ZNF251: variants seen among roughly 807,000 people sequenced by gnomAD.
The protein encoded by ZNF251 is zinc finger protein 251.
A neutral mutation model predicts 13.5 loss-of-function variants in ZNF251; 14 were observed. That is an observed-to-expected ratio of 1.04 (90% confidence interval 0.69 to 1.63). The LOEUF (loss-of-function observed/expected upper bound fraction) is 1.63. ZNF251 is among the 40% of genes most tolerant of loss of function. ZNF251 has a pLI of 0.00. For missense variants in ZNF251, 764 were observed against 834.9 expected (o/e 0.92, Z 1.05); for synonymous variants, 287 against 295.2 (o/e 0.97, Z 0.28).
At chr8:144,755,085 T>C in intron 1 of ZNF251, 2 of 1,274,336 alleles carry the variant, frequency 1.6e-6, no homozygotes, top group Non-Finnish European at 1.0e-6. Flanking sequence ...AGGGCCGTTC[T>C]ACCTGCCTGG....
intron 4 of ZNF251, among the ~76,000 whole-genome samples, chr8:144,737,712 G>A (rs991620223): frequency 2.1e-5 from 3 of 145,330 alleles, no homozygotes; most frequent in Non-Finnish European, 3.0e-5. Flanking sequence ...GGCGCCTGTA[G>A]TCCCAGCTAC....
chr8:144,751,420 C>T (rs1824688271), intron 4 of ZNF251, among the ~76,000 whole-genome samples: 1 of 152,036 alleles, frequency 6.6e-6, no homozygotes, highest in Non-Finnish European at 1.5e-5. Context: ...TTACACATAA[C>T]AACTATAACA....
At chr8:144,731,960 TAAGACAGAGTC>T (rs1823710028) in intron 4 of ZNF251, among the ~76,000 whole-genome samples, 1 of 151,592 alleles carries the variant, frequency 6.6e-6, no homozygotes, top group African/African-American at 2.4e-5. Flanking sequence ...TTTTTTTTTT[TAAGACAGAGTC>T]TTTCTCCGTC....
Position 144,734,639 on chromosome 8 carries a change from C to T in ZNF251, c.278-11257G>A, listed in dbSNP as rs756987746. On this transcript the variant is annotated intron_variant, in intron 4 of 4. Coordinates refer to ENST00000292562, the MANE Select transcript of ZNF251 (RefSeq NM_138367.2). This position sits in a 1 kb window ranked among gnomAD's most constrained non-coding sequence, Gnocchi z 4.4. ...CACTGGGACACCCTGAAGAGGGAGG[C>T]GCTGCCTGAAAGGTAGGGACACACA... Among the ~76,000 whole-genome samples the T allele has an allele frequency of 2.6e-5, 4 of 152,158 alleles. No homozygotes were observed. Among genetic ancestry groups the T allele is most frequent in the African/African-American group, 7.2e-5 (3 of 41,424 alleles).
At chr8:144,737,537 C>A (rs1823950227) in intron 4 of ZNF251, among the ~76,000 whole-genome samples, 2 of 150,540 alleles carry the variant, frequency 1.3e-5, no homozygotes, top group Admixed American at 1.3e-4. Flanking sequence ...AAACAAAAAA[C>A]CAGCTACGAG....
At chr8:144,740,162 G>A (rs979167893) in intron 4 of ZNF251, among the ~76,000 whole-genome samples, 1 of 151,778 alleles carries the variant, frequency 6.6e-6, no homozygotes, top group Non-Finnish European at 1.5e-5. Context: ...GTGCATGCCT[G>A]TAATCCCATC....
intron 4 of ZNF251, among the ~76,000 whole-genome samples, chr8:144,737,346 C>T (rs1055713998): frequency 6.6e-6 from 1 of 152,100 alleles, no homozygotes; most frequent in South Asian, 2.1e-4. Context: ...GATCTGCCCG[C>T]TTTGGCCTTT....
At chr8:144,753,845 C>T (rs2130116660) in intron 3 of ZNF251, 49 bp from the exon 4 acceptor site, 1 of 1,422,058 alleles carries the variant, frequency 7.0e-7, no homozygotes, top group South Asian at 1.3e-5. Flanking sequence ...ACTGGGCCTT[C>T]CAGGCCAGGT....
intron 4 of ZNF251, chr8:144,753,455 A>G: frequency 2.3e-6 from 1 of 438,222 alleles, no homozygotes; most frequent in Non-Finnish European, 4.0e-6. Context: ...AAACAAAAAT[A>G]TGATCAGAAG....
intron 4 of ZNF251, among the ~76,000 whole-genome samples, chr8:144,747,976 C>G (rs962085984): frequency 1.3e-5 from 2 of 152,214 alleles, no homozygotes; most frequent in Non-Finnish European, 2.9e-5. Context: ...GTGACGTGAT[C>G]ATAGCTCACC....
intron 4 of ZNF251, among the ~76,000 whole-genome samples, chr8:144,737,644 A>G (rs947370146): frequency 2.0e-5 from 3 of 151,950 alleles, no homozygotes; most frequent in Non-Finnish European, 4.4e-5. Flanking sequence ...CATCCTGGCT[A>G]ACACGGTGAA....
At chr8:144,739,207 C>A (rs1011020398) in intron 4 of ZNF251, among the ~76,000 whole-genome samples, 1 of 151,300 alleles carries the variant, frequency 6.6e-6, no homozygotes, top group African/African-American at 2.4e-5. Context: ...TCCACTCCCC[C>A]AAACTAGGAT....
chr8:144,729,740 G>A (rs112434517), intron 4 of ZNF251, among the ~76,000 whole-genome samples: 5,320 of 152,122 alleles, frequency 0.035, 280 homozygotes, highest in African/African-American at 0.12. Context: ...TCGCGCCTGT[G>A]ATCCCCGCAC....
chr8:144,739,041 G>T (rs1824033603), intron 4 of ZNF251, among the ~76,000 whole-genome samples: 1 of 151,856 alleles, frequency 6.6e-6, no homozygotes, highest in Admixed American at 6.6e-5. Flanking sequence ...TCATCCACCT[G>T]GACAGCCCCC....
Position 144,722,988 on chromosome 8 carries a change from T to C in ZNF251, c.672A>G (p.Leu224=), listed in dbSNP as rs749086014. ...CSKTFKYNSD[L]SRHQRSHTGE... ...CAGTGTGACTTCTCTGGTGTCTACTTAGGTCTGAATTATATTTGAAGGTTT... is the reference window on the plus strand; with the variant it reads ...CAGTGTGACTTCTCTGGTGTCTACTCAGGTCTGAATTATATTTGAAGGTTT... Residue 224 remains leucine (L), a synonymous_variant, in exon 5 of 5, where the codon CTA becomes CTG. Transcript: ENST00000292562. This position sits in a 1 kb window ranked among gnomAD's most constrained non-coding sequence, Gnocchi z 4.8. 9.9e-6 allele frequency: 16 copies of C among 1,613,820 alleles called. No homozygotes were observed. The highest frequency in any genetic ancestry group is 2.2e-5 in the East Asian group (1 of 44,902).
In ZNF251 at chr8:144,723,003, T is replaced by C; in HGVS notation, c.657A>G (p.Lys219=). Residue 219 remains lysine (K), a synonymous_variant, in exon 5 of 5, where the codon AAA becomes AAG. Transcript: ENST00000292562. ...GGTGTCTACTTAGGTCTGAATTATA[T>C]TTGAAGGTTTTGCTGCATATATCAC... ...FKCDICSKTF[K]YNSDLSRHQR... is the part of the protein sequence containing the mutation. 5.0e-6 allele frequency: 8 copies of C among 1,613,982 alleles called. No individual in the cohort carries two copies. The highest frequency in any genetic ancestry group is 1.6e-4 in the Middle Eastern group (1 of 6,062).
At chr8:144,754,866 G>A (rs766670844) in intron 1 of ZNF251, 63 bp from the exon 2 acceptor site, 195 of 1,472,990 alleles carry the variant, frequency 1.3e-4, no homozygotes, top group Non-Finnish European at 1.6e-4. Flanking sequence ...ATGGCCAGGA[G>A]GCAGAAGCTG....
At chr8:144,746,631 T>C (rs908735459) in intron 4 of ZNF251, among the ~76,000 whole-genome samples, 3 of 152,234 alleles carry the variant, frequency 2.0e-5, no homozygotes, top group Non-Finnish European at 2.9e-5. Flanking sequence ...GGATTCTATT[T>C]TGGAAGGTAA....
At position 144,721,471 on chromosome 8, in the gene ZNF251, C is replaced by T. The variant is rs536556192; in HGVS notation, c.*173G>A. The T allele has an allele frequency of 9.2e-6, 6 of 653,314 alleles. No homozygotes were observed. In the East Asian group the frequency reaches 1.7e-4, roughly 19 times the overall value. The allele number at this position is 653,314 out of a possible 1,614,324, so 40.5% of individuals were successfully genotyped here. The stretch of plus-strand genomic sequence containing the variant: ...CCTTTACACAGACAGCCTGATTTCC[C>T]AGAATGAATTCTCGTGTTTACTTCC... On this transcript the variant is annotated 3_prime_UTR_variant, in exon 5 of 5. Coordinates refer to ENST00000292562, the MANE Select transcript of ZNF251 (RefSeq NM_138367.2).
Sources: allele counts gnomAD v4.1 joint callset (sites outside exome capture counted in the v4.1 genomes callset), GRCh38; gene constraint gnomAD v4.1.1; non-coding constraint Gnocchi (gnomAD v3.1); transcripts MANE v1.5; gene names NCBI Gene and HGNC (gene_info 2026-07-23, HGNC 2026-07-21).